The following RAD51B variants were observed in gnomAD, a reference collection of about 807,000 sequenced individuals.
RAD51B encodes the protein DNA repair protein RAD51 homolog 2.
A neutral mutation model predicts 42.2 loss-of-function variants in RAD51B; 38 were observed. That is an observed-to-expected ratio of 0.90 (90% confidence interval 0.70 to 1.18). The LOEUF is 1.18. Ranked by LOEUF, RAD51B falls within the 50% of genes most tolerant of loss-of-function variation. The pLI is 0.00. For missense variants in RAD51B, 373 were observed against 400.7 expected, an observed-to-expected ratio of 0.93 and a Z score of 0.59; for synonymous variants, 154 against 145.2, an observed-to-expected ratio of 1.06 and a Z score of -0.43.
At chr14:68,217,721 T>C (rs780027931) in intron 7 of RAD51B, among the ~76,000 whole-genome samples, 2 of 152,182 alleles carry the variant, frequency 1.3e-5, no homozygotes, top group African/African-American at 4.8e-5. Context: ...CTGACTCTCA[T>C]AGCCTTTGTA....
chr14:67,868,409 A>G (rs1229932456), intron 5 of RAD51B, among the ~76,000 whole-genome samples: 3 of 152,244 alleles, frequency 2.0e-5, no homozygotes, highest in South Asian at 2.1e-4. Flanking sequence ...AGGAGATTAT[A>G]TCCCGCACCT....
At chr14:67,948,957 A>AAAAAAAAAAAAAAC in intron 7 of RAD51B, among the ~76,000 whole-genome samples, 1 of 150,444 alleles carries the variant, frequency 6.6e-6, no homozygotes, top group African/African-American at 2.4e-5. Flanking sequence ...AAAAAAAAAA[A>AAAAAAAAAAAAAAC]AGCAATGTAC....
intron 11 of RAD51B, among the ~76,000 whole-genome samples, chr14:68,669,486 A>T (rs1016350144): frequency 6.6e-6 from 1 of 152,126 alleles, no homozygotes; most frequent in Non-Finnish European, 1.5e-5. Flanking sequence ...ACAGGAAGAC[A>T]TTTGCCCACA....
At chr14:68,002,621 G>A (rs1487389197) in intron 7 of RAD51B, among the ~76,000 whole-genome samples, 3 of 152,090 alleles carry the variant, frequency 2.0e-5, no homozygotes, top group Non-Finnish European at 4.4e-5. Context: ...TCTGCTGAAT[G>A]GTATTGCCAA....
intron 10 of RAD51B, chr14:68,497,568 A>G: frequency 9.8e-7 from 1 of 1,020,924 alleles, no homozygotes. Context: ...AACCATTTTA[A>G]AGTAAACAAT....
chr14:68,141,311 T>C (rs2078122946), intron 7 of RAD51B, among the ~76,000 whole-genome samples: 1 of 152,238 alleles, frequency 6.6e-6, no homozygotes, highest in African/African-American at 2.4e-5. Flanking sequence ...TAATTTCTAA[T>C]ATGGTAAATA....
intron 9 of RAD51B, among the ~76,000 whole-genome samples, chr14:68,439,208 C>T (rs2085223580): frequency 6.6e-6 from 1 of 151,964 alleles, no homozygotes; most frequent in African/African-American, 2.4e-5. Flanking sequence ...ACACATTCCT[C>T]TGCCTTGCTT....
At chr14:68,518,840 C>T (rs150372545) in intron 10 of RAD51B, among the ~76,000 whole-genome samples, 1 of 152,170 alleles carries the variant, frequency 6.6e-6, no homozygotes, top group African/African-American at 2.4e-5. Flanking sequence ...TCAAGGTCTC[C>T]GAGAGCCAGT....
intron 11 of RAD51B, among the ~76,000 whole-genome samples, chr14:68,676,320 G>C (rs940616176): frequency 6.6e-6 from 1 of 152,278 alleles, no homozygotes; most frequent in Non-Finnish European, 1.5e-5. Flanking sequence ...CAGCAAGCTG[G>C]CTGTAGACCC....
chr14:68,178,440 G>A (rs1054048016), intron 7 of RAD51B, among the ~76,000 whole-genome samples: 1 of 152,040 alleles, frequency 6.6e-6, no homozygotes, highest in African/African-American at 2.4e-5. Flanking sequence ...AAAGAAACAG[G>A]GTTCCCTACT....
intron 7 of RAD51B, among the ~76,000 whole-genome samples, chr14:67,909,870 G>A (rs2043909926): frequency 6.6e-6 from 1 of 152,014 alleles, no homozygotes; most frequent in Admixed American, 6.6e-5. Flanking sequence ...TGTCCAGACT[G>A]GTCTTGAACT....
chr14:67,828,343 G>T lies in RAD51B; in HGVS notation c.198+2766G>T, dbSNP rs189190498. Among the ~76,000 whole-genome samples, 457 of 147,574 alleles carry T rather than the reference G, an allele frequency of 3.1e-3. 12 individuals carry two copies. In the East Asian group the frequency reaches 0.075, roughly 24 times the overall value. ...GCCCACTTTTTAATGGGGTTGTTTG[G>T]TTTTTTTTTTCTTGTAAATTTGTTT... On this transcript the variant is annotated intron_variant, in intron 3 of 10. Coordinates refer to ENST00000471583, the MANE Select transcript of RAD51B (RefSeq NM_133510.4).
intron 10 of RAD51B, among the ~76,000 whole-genome samples, chr14:68,649,014 G>A (rs904916928): frequency 1.3e-5 from 2 of 152,236 alleles, no homozygotes; most frequent in East Asian, 1.9e-4. Flanking sequence ...GGCAACCCTC[G>A]CATGTCATAG....
intron 7 of RAD51B, among the ~76,000 whole-genome samples, chr14:68,239,208 G>T (rs1187247379): frequency 6.6e-6 from 1 of 152,128 alleles, no homozygotes; most frequent in African/African-American, 2.4e-5. Flanking sequence ...CACCTGGGGG[G>T]ATGTGGTTAG....
chr14:68,678,201 C>G (rs1267340068), intron 11 of RAD51B, among the ~76,000 whole-genome samples: 1 of 152,220 alleles, frequency 6.6e-6, no homozygotes. Flanking sequence ...CCACCTCGTT[C>G]AGTCCATGTC....
chr14:68,639,106 G>T (rs1210870492), intron 10 of RAD51B, among the ~76,000 whole-genome samples: 1 of 152,192 alleles, frequency 6.6e-6, no homozygotes, highest in Non-Finnish European at 1.5e-5. Flanking sequence ...CCTTGGGGGA[G>T]GGGAGAGCCC....
At chr14:68,645,538 T>A (rs934232885) in intron 10 of RAD51B, among the ~76,000 whole-genome samples, 8 of 152,210 alleles carry the variant, frequency 5.3e-5, no homozygotes, top group African/African-American at 1.9e-4. Context: ...TGGATTCTAA[T>A]ACAGTAATTC....
chr14:68,465,304 T>A (rs2085947234), intron 9 of RAD51B, among the ~76,000 whole-genome samples: 1 of 152,208 alleles, frequency 6.6e-6, no homozygotes, highest in Admixed American at 6.5e-5. Context: ...CCACTCTTTC[T>A]GGCACAGCTA....
At chr14:68,122,314 T>A (rs1436515137) in intron 7 of RAD51B, among the ~76,000 whole-genome samples, 3 of 152,120 alleles carry the variant, frequency 2.0e-5, no homozygotes, top group African/African-American at 7.2e-5. Flanking sequence ...GGAGAAGATA[T>A]TTCACATGTA....
Sources: allele counts gnomAD v4.1 joint callset (sites outside exome capture counted in the v4.1 genomes callset), GRCh38; gene constraint gnomAD v4.1.1; transcripts MANE v1.5; gene names NCBI Gene and HGNC (gene_info 2026-07-23, HGNC 2026-07-21).